Variants in LPIN1 observed in about 807,000 individuals in gnomAD.
The protein encoded by LPIN1 is lipin 1.
Under a neutral mutation model 107.5 loss-of-function variants are expected in LPIN1, and 71 were observed. The observed-to-expected ratio is 0.66, with a 90% CI of 0.55 to 0.80. The LOEUF is 0.80. LPIN1 is among the 30% of genes least tolerant of loss of function. The pLI is 0.00. For synonymous variants in LPIN1, 445 were observed against 452.6 expected (o/e 0.98, Z 0.21); for missense variants, 1,043 against 1,160.6 (o/e 0.90, Z 1.47).
chr2:11,811,030 G>A (rs1416823875), intron 17 of LPIN1, among the ~76,000 whole-genome samples: 1 of 152,142 alleles, frequency 6.6e-6, no homozygotes, highest in Non-Finnish European at 1.5e-5. Flanking sequence ...CAGGGGTGAT[G>A]TGTGTATCGC....
At chr2:11,816,938 C>T (rs1221032525) in intron 18 of LPIN1, 2 of 151,822 alleles carry the variant, frequency 1.3e-5, no homozygotes, top group Non-Finnish European at 2.9e-5. Context: ...CCTGACTGGC[C>T]CTGGTGTGTG....
chr2:11,824,928 G>GCTTCT lies in LPIN1; in HGVS notation c.*138_*139insTTCTC. The stretch of plus-strand genomic sequence containing the variant: ...GCCTGACAGCAGAGAGAATTGAGAA[G>GCTTCT]CATTTCTCCCCTGCCCCACCCCGGG... On this transcript the variant is annotated 3_prime_UTR_variant, in exon 21 of 21. Coordinates refer to ENST00000674199, the MANE Select transcript of LPIN1 (RefSeq NM_001349206.2). 6 of 998,812 alleles carry GCTTCT rather than the reference G, an allele frequency of 6.0e-6. No homozygotes were observed. The highest frequency in any genetic ancestry group is 9.1e-6 in the Non-Finnish European group (6 of 662,564). The allele number at this position is 998,812 out of a possible 1,614,324, so 61.9% of individuals were successfully genotyped here. A position where few individuals can be genotyped will look rare whatever the true frequency, so the allele number is the denominator to read the frequency against.
chr2:11,822,475 G>A (rs1179007089), intron 20 of LPIN1, among the ~76,000 whole-genome samples: 1 of 151,588 alleles, frequency 6.6e-6, no homozygotes, highest in Non-Finnish European at 1.5e-5. Context: ...AAAAAAAAAG[G>A]GGAGACCTCA....
intron 16 of LPIN1, among the ~76,000 whole-genome samples, chr2:11,804,853 C>T (rs143231429): frequency 1.7e-3 from 254 of 152,222 alleles, no homozygotes; most frequent in Non-Finnish European, 2.6e-3. Flanking sequence ...TTGAACAAGC[C>T]GGTCACCTCG....
intron 13 of LPIN1, among the ~76,000 whole-genome samples, chr2:11,794,446 A>G (rs1355019966): frequency 1.3e-5 from 2 of 152,236 alleles, no homozygotes; most frequent in Non-Finnish European, 2.9e-5. Flanking sequence ...AGTGATGGCT[A>G]AGTTACATGA....
chr2:11,760,919 G>C (rs1032279168), intron 1 of LPIN1, among the ~76,000 whole-genome samples: 68 of 152,246 alleles, frequency 4.5e-4, no homozygotes, highest in African/African-American at 1.6e-3. Flanking sequence ...GACATGAGAA[G>C]GAGCTTCACA....
chr2:11,792,870 C>G (rs1345197438), intron 13 of LPIN1, among the ~76,000 whole-genome samples: 1 of 152,120 alleles, frequency 6.6e-6, no homozygotes, highest in African/African-American at 2.4e-5. Context: ...GCTCCCAGGC[C>G]CCTGTGTCCA....
rs1558778965 is a variant in LPIN1 at position 11,741,314 on chromosome 2, A to C, written c.-71-35A>C. ...ATTCTCGAGAGACACTGGAGAGAAA[A>C]AGAACATTTTGTGAATGATGTCGTG... On this transcript the variant is annotated intron_variant, in intron 1 of 21. Coordinates refer to the LPIN1 transcript ENST00000396097. 3 of 1,456,490 alleles carry C rather than the reference A, an allele frequency of 2.1e-6. No individual in the cohort carries two copies. In the African/African-American group the frequency reaches 4.3e-5, roughly 21 times the overall value. The allele number at this position is 1,456,490 out of a possible 1,614,324, so 90.2% of individuals were successfully genotyped here.
rs573864869 is a variant in LPIN1, at chr2:11,767,784, G to A, written c.214G>A (p.Glu72Lys). 2 of 1,611,250 alleles carry A rather than the reference G, an allele frequency of 1.2e-6. No individual in the cohort carries two copies. The highest frequency in any genetic ancestry group is 2.2e-5 in the East Asian group (1 of 44,880). The part of the protein sequence containing the change: ...EKVVDIEING[E>K]SVDLHMKLGD... ...TCAGGTTGACATAGAAATCAATGGG[G>A]AATCTGTGGATTTGCATATGAAATT... The change falls in exon 3 of 21, where the codon GAA becomes AAA. Residue 72 changes from glutamate to lysine, a missense_variant. Physicochemically the swap from Glu to Lys is moderately conservative, Grantham distance 56. Transcript: ENST00000674199.
intron 14 of LPIN1, among the ~76,000 whole-genome samples, chr2:11,798,592 G>A (rs947076475): frequency 9.2e-5 from 14 of 152,096 alleles, no homozygotes; most frequent in African/African-American, 2.9e-4. Flanking sequence ...GAAACAGCTG[G>A]ACCATTCGCC....
chr2:11,695,831 AT>A (rs1352856306), intron 1 of LPIN1, among the ~76,000 whole-genome samples: 1 of 152,108 alleles, frequency 6.6e-6, no homozygotes, highest in African/African-American at 2.4e-5. Flanking sequence ...GAGTGACTCC[AT>A]TTTGGGTTGG....
At chr2:11,810,958 CCTT>C (rs1679544992) in intron 17 of LPIN1, among the ~76,000 whole-genome samples, 1 of 150,670 alleles carries the variant, frequency 6.6e-6, no homozygotes, top group African/African-American at 2.4e-5. Flanking sequence ...TTTTTTTTTT[CCTT>C]CTTCCCATTC....
chr2:11,791,929 A>G lies in LPIN1; in HGVS notation c.1729A>G (p.Ile577Val), dbSNP rs148499322. The change falls in exon 13 of 21, where the codon ATC (isoleucine) becomes GTC (valine). Residue 577 changes from isoleucine (I) to valine (V), a missense_variant. Coordinates refer to ENST00000674199, the MANE Select transcript of LPIN1 (RefSeq NM_001349206.2). ...TTTAAAACAGGCCACTGTGGAATCT[A>G]TCATGAGGGATAAAATGCCCAAAAA... ...KPLPKATVESIMRDKMPKKGG... is the reference protein window; with the variant it reads ...KPLPKATVESVMRDKMPKKGG... 2,443 of 1,613,900 alleles carry G rather than the reference A, an allele frequency of 1.5e-3. 11 individuals are homozygous for G. The Middle Eastern group carries it at 0.017, about 11-fold the overall frequency.
Position 11,826,513 on chromosome 2 carries a change from C to CAAAAAA in LPIN1, c.*1741_*1746dup, listed in dbSNP as rs11287978. The CAAAAAA allele has an allele frequency of 1.1e-4, 8 of 74,722 alleles. No homozygotes were observed. Among genetic ancestry groups the CAAAAAA allele is most frequent in the Middle Eastern group, 8.1e-3 (1 of 124 alleles). 4.6% of individuals were successfully genotyped at this position (74,722 alleles called of 1,614,324 possible). The stretch of plus-strand genomic sequence containing the variant: ...TGGGTGACAGAGTAAGACTCCATGT[C>CAAAAAA]AAAAAAAAAAAAAAAAAAAAAAAAG... On this transcript the variant is annotated 3_prime_UTR_variant, in exon 21 of 21. Transcript: ENST00000674199.
At chr2:11,822,563 A>G (rs527819287) in intron 20 of LPIN1, among the ~76,000 whole-genome samples, 1 of 152,306 alleles carries the variant, frequency 6.6e-6, no homozygotes, top group East Asian at 1.9e-4. Context: ...GAGCTCGTGC[A>G]GGGAAACTCC....
At chr2:11,734,523 A>G (rs1476336724) in intron 1 of LPIN1, among the ~76,000 whole-genome samples, 2 of 152,234 alleles carry the variant, frequency 1.3e-5, no homozygotes, top group Non-Finnish European at 2.9e-5. Flanking sequence ...AATCTGCATT[A>G]GCTAATTGCT....
At chr2:11,784,343 G>T in intron 9 of LPIN1, 1 of 740,880 alleles carries the variant, frequency 1.3e-6, no homozygotes, top group South Asian at 2.9e-5. Context: ...GAGAGGCAGT[G>T]GGAGGCTCCC....
At chr2:11,782,581 C>G in intron 8 of LPIN1, 74 bp downstream of exon 8, 1 of 1,556,614 alleles carries the variant, frequency 6.4e-7, no homozygotes, top group Non-Finnish European at 8.8e-7. Flanking sequence ...CAGGTCCTTT[C>G]CAAAGTTCCA....
chr2:11,750,533 C>T (rs79955157), intron 1 of LPIN1, among the ~76,000 whole-genome samples: 1,580 of 152,200 alleles, frequency 0.01, 22 homozygotes, highest in African/African-American at 0.035. Flanking sequence ...ATTCAAAGAC[C>T]GGATTTTGTC....
Sources: allele counts gnomAD v4.1 joint callset (sites outside exome capture counted in the v4.1 genomes callset), GRCh38; gene constraint gnomAD v4.1.1; transcripts MANE v1.5; gene names NCBI Gene and HGNC (gene_info 2026-07-23, HGNC 2026-07-21).